The following PANX1 variants were observed in gnomAD, a reference collection of about 807,000 sequenced individuals.
PANX1 encodes pannexin 1.
A neutral mutation model predicts 38.7 loss-of-function variants in PANX1; 30 were observed. That is an observed-to-expected ratio of 0.78 (90% CI 0.58 to 1.05). PANX1 has a LOEUF of 1.05. Ranked by LOEUF, PANX1 falls within the 50% of genes least tolerant of loss-of-function variation. The pLI is 0.00. For synonymous variants in PANX1, 230 were observed against 212.2 expected, an observed-to-expected ratio of 1.08 and a Z score of -0.73; for missense variants, 551 against 517.2, an observed-to-expected ratio of 1.07 and a Z score of -0.63.
chr11:94,143,771 CAG>C (rs1174160271), intron 1 of PANX1, among the ~76,000 whole-genome samples: 3 of 149,876 alleles, frequency 2.0e-5, no homozygotes, highest in African/African-American at 7.4e-5. Flanking sequence ...CTTTTTGAGA[CAG>C]TGTCTCTCTA....
intron 2 of PANX1, among the ~76,000 whole-genome samples, chr11:94,175,140 C>G (rs2134521894): frequency 6.6e-6 from 1 of 151,886 alleles, no homozygotes; most frequent in South Asian, 2.1e-4. Context: ...CCTCAAAGCC[C>G]TGCAGCTTTT....
At chr11:94,142,215 A>T (rs984651538) in intron 1 of PANX1, among the ~76,000 whole-genome samples, 8 of 152,082 alleles carry the variant, frequency 5.3e-5, no homozygotes, top group African/African-American at 1.9e-4. Context: ...TACCCCTTGG[A>T]TTCCTGCTGG....
intron 2 of PANX1, among the ~76,000 whole-genome samples, chr11:94,155,178 C>G (rs1420798118): frequency 6.6e-6 from 1 of 152,128 alleles, no homozygotes. Context: ...TGGTGAAACC[C>G]CATCTCCACT....
rs370271505 is a variant in PANX1, at chr11:94,164,028, A to G, written c.321+10398A>G. On this transcript the variant is annotated intron_variant, in intron 2 of 4. Coordinates refer to ENST00000227638, the MANE Select transcript of PANX1 (RefSeq NM_015368.4). ...GCAATTTATTGGCATATCGTTGCTC[A>G]TAATAGTCTTTAGTGATCCTTTGAA... Among the ~76,000 whole-genome samples the G allele has an allele frequency of 2.8e-4, 43 of 152,082 alleles. No homozygotes were observed. The South Asian group carries it at 8.3e-3, about 29-fold the overall frequency.
chr11:94,178,998 C>T (rs925601913), intron 3 of PANX1, among the ~76,000 whole-genome samples: 1 of 152,082 alleles, frequency 6.6e-6, no homozygotes, highest in Admixed American at 6.6e-5. Flanking sequence ...ATGAGTAGGT[C>T]GTGGCTTGCC....
chr11:94,161,290 A>C (rs1333993561), intron 2 of PANX1, among the ~76,000 whole-genome samples: 8 of 152,222 alleles, frequency 5.3e-5, no homozygotes, highest in African/African-American at 1.9e-4. Context: ...AGATTGGGGA[A>C]GTTCTCCTGG....
Position 94,179,772 on chromosome 11 carries a change from C to T in PANX1, c.716C>T (p.Ser239Leu), listed in dbSNP as rs752968821. The change falls in exon 4 of 5, where the codon TCA (serine) becomes TTA (leucine). Residue 239 changes from serine (S) to leucine (L), a missense_variant. Coordinates refer to ENST00000227638, the MANE Select transcript of PANX1 (RefSeq NM_015368.4). Reference sequence around the variant, plus strand: ...CTGGGCTATTACTTCAGCCTCTCCTCACTCTCAGACGAGTTTGTGTGCAGC... The same window carrying T: ...CTGGGCTATTACTTCAGCCTCTCCTTACTCTCAGACGAGTTTGTGTGCAGC... ...IYLGYYFSLS[S>L]LSDEFVCSIK... The T allele has an allele frequency of 5.0e-6, 8 of 1,614,146 alleles. No individual in the cohort carries two copies. Among genetic ancestry groups the T allele is most frequent in the Admixed American group, 3.3e-5 (2 of 60,028 alleles).
chr11:94,165,580 G>A (rs1591521049), intron 2 of PANX1, among the ~76,000 whole-genome samples: 1 of 152,300 alleles, frequency 6.6e-6, no homozygotes, highest in East Asian at 1.9e-4. Context: ...CTGCACATGA[G>A]GCTGTGATTG....
At chr11:94,177,649 CCTCT>C (rs1947250211) in intron 2 of PANX1, among the ~76,000 whole-genome samples, 1 of 148,242 alleles carries the variant, frequency 6.7e-6, no homozygotes, top group Non-Finnish European at 1.5e-5. Context: ...TGCTCCTCAC[CCTCT>C]CTGACGTGTG....
chr11:94,165,398 C>T (rs983711312), intron 2 of PANX1, among the ~76,000 whole-genome samples: 1 of 151,642 alleles, frequency 6.6e-6, no homozygotes, highest in African/African-American at 2.4e-5. Flanking sequence ...GCACAACGTG[C>T]AGGTTTGTTA....
chr11:94,153,387 G>A, intron 1 of PANX1, 104 bp from the exon 2 acceptor site: 1 of 1,155,806 alleles, frequency 8.7e-7, no homozygotes, highest in Non-Finnish European at 1.3e-6. Flanking sequence ...TCCACCTCCT[G>A]TCCTGGTGCT....
At chr11:94,141,694 T>G (rs1946763590) in intron 1 of PANX1, among the ~76,000 whole-genome samples, 1 of 152,196 alleles carries the variant, frequency 6.6e-6, no homozygotes, top group Admixed American at 6.5e-5. Context: ...TTAGGAAATG[T>G]GAATAATGAT....
intron 1 of PANX1, among the ~76,000 whole-genome samples, chr11:94,138,622 T>A (rs11828881): frequency 0.12 from 18,239 of 152,216 alleles, 3,317 homozygotes; most frequent in African/African-American, 0.39. Flanking sequence ...GGTATCCATC[T>A]CCTCAAGTAT....
Position 94,179,784 on chromosome 11 carries a change from A to C in PANX1, c.728A>C (p.Glu243Ala). The C allele has an allele frequency of 6.2e-7, 1 of 1,614,082 alleles. No homozygotes were observed. Among genetic ancestry groups the C allele is most frequent in the South Asian group, 1.1e-5 (1 of 91,080 alleles). ...TTCAGCCTCTCCTCACTCTCAGACGAGTTTGTGTGCAGCATCAAATCAGGG... is the reference window on the plus strand; with the variant it reads ...TTCAGCCTCTCCTCACTCTCAGACGCGTTTGTGTGCAGCATCAAATCAGGG... The part of the protein sequence containing the change: ...YYFSLSSLSD[E>A]FVCSIKSGIL... Residue 243 changes from glutamate to alanine, a missense_variant, in exon 4 of 5, where the codon GAG becomes GCG. Transcript: ENST00000227638.
intron 1 of PANX1, among the ~76,000 whole-genome samples, chr11:94,142,382 T>G (rs1197135016): frequency 6.6e-6 from 1 of 152,168 alleles, no homozygotes; most frequent in Non-Finnish European, 1.5e-5. Flanking sequence ...TACCAAGCCC[T>G]CCTTGCCTTT....
chr11:94,175,923 T>C, intron 2 of PANX1: 1 of 983,752 alleles, frequency 1.0e-6, no homozygotes, highest in Non-Finnish European at 1.2e-6. Flanking sequence ...GGGTCATTTG[T>C]GCTTATTTCT....
At chr11:94,174,368 G>A (rs147077291) in intron 2 of PANX1, among the ~76,000 whole-genome samples, 6 of 151,332 alleles carry the variant, frequency 4.0e-5, no homozygotes, top group African/African-American at 9.8e-5. Context: ...AGACAAACAC[G>A]GAGGAAAGGA....
At chr11:94,162,667 G>A (rs1171224466) in intron 2 of PANX1, among the ~76,000 whole-genome samples, 6 of 152,130 alleles carry the variant, frequency 3.9e-5, no homozygotes, top group Admixed American at 1.3e-4. Flanking sequence ...TGCGCTTCCC[G>A]GGTGAGGTGA....
rs1249351852 is a variant in PANX1, at chr11:94,128,945, A to C, written c.-368A>C. On this transcript the variant is annotated 5_prime_UTR_variant, in exon 1 of 5. Coordinates refer to ENST00000227638, the MANE Select transcript of PANX1 (RefSeq NM_015368.4). ...GGCAGCCAGGGCGGCGCGGAGGGGC[A>C]GGGCCAGAGGGAAGCGCTTTGTTCC... 2.5e-5 allele frequency: 4 copies of C among 160,404 alleles called. No individual in the cohort carries two copies. Among genetic ancestry groups the C allele is most frequent in the Non-Finnish European group, 4.1e-5 (3 of 73,854 alleles). 9.9% of individuals were successfully genotyped at this position (160,404 alleles called of 1,614,324 possible).
Sources: gnomAD v4.1 joint callset for allele counts (sites outside exome capture counted in the v4.1 genomes callset) on GRCh38, gnomAD v4.1.1 for gene constraint, MANE v1.5 for transcripts, NCBI Gene and HGNC (gene_info 2026-07-23, HGNC 2026-07-21) for gene names.